RALYL: variants seen among roughly 807,000 people sequenced by gnomAD.
RALYL encodes the protein RNA-binding Raly-like protein.
RALYL carries 29 observed loss-of-function variants against 35.1 expected under a neutral mutation model. The ratio of observed to expected loss-of-function variants is 0.83; its 90% CI spans 0.61 to 1.13. RALYL has a LOEUF of 1.13. Ranked by LOEUF, RALYL falls within the 50% of genes most tolerant of loss-of-function variation. The pLI is 0.00. For missense variants in RALYL, 359 were observed against 360.4 expected, an observed-to-expected ratio of 1.00 and a Z score of 0.03; for synonymous variants, 120 against 127.6, an observed-to-expected ratio of 0.94 and a Z score of 0.40.
At chr8:84,424,111 G>C (rs2046035755) in intron 1 of RALYL, among the ~76,000 whole-genome samples, 1 of 151,662 alleles carries the variant, frequency 6.6e-6, no homozygotes, top group Non-Finnish European at 1.5e-5. Flanking sequence ...TGCTAGATTG[G>C]GGAAGTTCTC....
chr8:84,783,528 G>T (rs1024543075), intron 3 of RALYL, among the ~76,000 whole-genome samples: 2 of 152,116 alleles, frequency 1.3e-5, no homozygotes, highest in African/African-American at 2.4e-5. Context: ...TCTGGTAATT[G>T]GGGTGACCAT....
intron 1 of RALYL, among the ~76,000 whole-genome samples, chr8:84,199,284 CCT>C (rs1816245649): frequency 6.8e-6 from 1 of 146,140 alleles, no homozygotes; most frequent in Non-Finnish European, 1.5e-5. Flanking sequence ...TTTTCATATG[CCT>C]GTTTTCTTCT....
intron 2 of RALYL, among the ~76,000 whole-genome samples, chr8:84,640,549 T>C (rs945741356): frequency 2.0e-5 from 3 of 151,912 alleles, no homozygotes; most frequent in Admixed American, 1.3e-4. Context: ...TTTAGACATA[T>C]CAAGAAAAGC....
chr8:84,607,416 GT>G (rs1817377085), intron 2 of RALYL, among the ~76,000 whole-genome samples: 1 of 152,070 alleles, frequency 6.6e-6, no homozygotes, highest in African/African-American at 2.4e-5. Flanking sequence ...TAAACTGTGA[GT>G]TAGAGAAAAA....
intron 4 of RALYL, among the ~76,000 whole-genome samples, chr8:84,824,599 C>T (rs916754695): frequency 1.3e-5 from 2 of 152,112 alleles, no homozygotes; most frequent in East Asian, 3.8e-4. Flanking sequence ...CATTACATTA[C>T]CCAACTTCTA....
chr8:84,837,893 G>A (rs936237081), intron 4 of RALYL, among the ~76,000 whole-genome samples: 1 of 152,174 alleles, frequency 6.6e-6, no homozygotes, highest in South Asian at 2.1e-4. Context: ...CAATGGTTAT[G>A]CTTCCAAGCA....
intron 2 of RALYL, among the ~76,000 whole-genome samples, chr8:84,575,526 G>A (rs1809160534): frequency 6.6e-6 from 1 of 152,148 alleles, no homozygotes; most frequent in South Asian, 2.1e-4. Context: ...CAAGATTGAG[G>A]TTGACAGTTT....
intron 1 of RALYL, among the ~76,000 whole-genome samples, chr8:84,504,901 G>A (rs1368032667): frequency 6.6e-6 from 1 of 152,054 alleles, no homozygotes; most frequent in Non-Finnish European, 1.5e-5. Flanking sequence ...TCACAAGCTG[G>A]GAGATTGAAA....
intron 5 of RALYL, among the ~76,000 whole-genome samples, chr8:84,859,638 C>T (rs1302873468): frequency 6.6e-6 from 1 of 152,050 alleles, no homozygotes; most frequent in Non-Finnish European, 1.5e-5. Context: ...TCACTTCAGT[C>T]CAAGAGTTCG....
chr8:84,894,970 GT>G (rs1457666929), intron 8 of RALYL, among the ~76,000 whole-genome samples: 2 of 152,120 alleles, frequency 1.3e-5, no homozygotes, highest in African/African-American at 4.8e-5. Context: ...ACTGGCTTTA[GT>G]TTTTCCATCT....
intron 2 of RALYL, among the ~76,000 whole-genome samples, chr8:84,581,306 C>T (rs1216621792): frequency 6.6e-6 from 1 of 152,166 alleles, no homozygotes; most frequent in Admixed American, 6.5e-5. Context: ...ACAATGATCA[C>T]ACAACTTTTC....
intron 2 of RALYL, among the ~76,000 whole-genome samples, chr8:84,570,552 C>G (rs1211385198): frequency 6.6e-6 from 1 of 151,770 alleles, no homozygotes; most frequent in Non-Finnish European, 1.5e-5. Flanking sequence ...TCCTCTTTTC[C>G]AATTTGGATG....
At chr8:84,541,976 T>C (rs950607244) in intron 2 of RALYL, among the ~76,000 whole-genome samples, 1 of 152,136 alleles carries the variant, frequency 6.6e-6, no homozygotes, top group Non-Finnish European at 1.5e-5. Flanking sequence ...GAACATAGAA[T>C]CTTCCAAATA....
intron 1 of RALYL, among the ~76,000 whole-genome samples, chr8:84,520,037 G>A (rs531745458): frequency 3.8e-4 from 58 of 152,204 alleles, no homozygotes; most frequent in Non-Finnish European, 7.6e-4. Context: ...ACTAAAGGAA[G>A]CTTGTTTATT....
At chr8:84,243,803 G>A (rs771985624) in intron 1 of RALYL, among the ~76,000 whole-genome samples, 21 of 152,066 alleles carry the variant, frequency 1.4e-4, no homozygotes, top group Non-Finnish European at 2.6e-4. Context: ...ACAGTGTAGT[G>A]GCATGAAAGA....
chr8:84,782,227 C>A (rs1382042359), intron 3 of RALYL, among the ~76,000 whole-genome samples: 1 of 152,136 alleles, frequency 6.6e-6, no homozygotes, highest in African/African-American at 2.4e-5. Context: ...ACAGACTAGG[C>A]CTTCAAATTA....
intron 1 of RALYL, among the ~76,000 whole-genome samples, chr8:84,392,148 C>A (rs1474712444): frequency 6.6e-6 from 1 of 151,960 alleles, no homozygotes; most frequent in African/African-American, 2.4e-5. Flanking sequence ...CCTCAACTTT[C>A]TTTCAGTTTT....
intron 1 of RALYL, among the ~76,000 whole-genome samples, chr8:84,409,970 G>T (rs1586936465): frequency 6.6e-6 from 1 of 151,648 alleles, no homozygotes. Context: ...CCCAAAAATG[G>T]CCCAGCCACA....
At chr8:84,192,957 A>G (rs1814347559) in intron 1 of RALYL, among the ~76,000 whole-genome samples, 1 of 150,714 alleles carries the variant, frequency 6.6e-6, no homozygotes, top group Non-Finnish European at 1.5e-5. Context: ...TTGTTAACCA[A>G]CTTTAAATCA....
Sources: allele counts gnomAD v4.1 joint callset (sites outside exome capture counted in the v4.1 genomes callset), GRCh38; gene constraint gnomAD v4.1.1; transcripts MANE v1.5; gene names NCBI Gene and HGNC (gene_info 2026-07-23, HGNC 2026-07-21).